The following PIGV variants were observed in gnomAD, a reference collection of about 807,000 sequenced individuals.
The protein encoded by PIGV is GPI alpha-1,6-mannosyltransferase 2.
A neutral mutation model predicts 39.2 loss-of-function variants in PIGV; 27 were observed. The observed-to-expected ratio is 0.69, with a 90% CI of 0.51 to 0.95. The LOEUF (loss-of-function observed/expected upper bound fraction) is 0.95. Among genes scored for constraint, PIGV ranks in the 40% least tolerant of loss-of-function variants. The pLI is 0.00. For missense variants in PIGV, 523 were observed against 586.4 expected, an observed-to-expected ratio of 0.89 and a Z score of 1.12; for synonymous variants, 232 against 241.7, an observed-to-expected ratio of 0.96 and a Z score of 0.37.
chr1:26,799,596 C>A lies in PIGV; in HGVS notation c.*1752C>A, dbSNP rs972973371. Among the ~76,000 whole-genome samples, 4 of 152,170 alleles carry A rather than the reference C, an allele frequency of 2.6e-5. No individual in the cohort carries two copies. The highest frequency in any genetic ancestry group is 1.3e-4 in the Admixed American group (2 of 15,270). On this transcript the variant is annotated 3_prime_UTR_variant, in exon 4 of 4. Coordinates refer to ENST00000674202, the MANE Select transcript of PIGV (RefSeq NM_017837.4). The stretch of plus-strand genomic sequence containing the variant: ...GACCATGACAGAAAGCTCAACTTGC[C>A]AGCTGAAGGGAAGCTCCTGGCTGAG...
intron 3 of PIGV, among the ~76,000 whole-genome samples, chr1:26,796,469 G>A (rs1413217695): frequency 6.6e-6 from 1 of 152,036 alleles, no homozygotes; most frequent in African/African-American, 2.4e-5. Flanking sequence ...CGCCCAGCAA[G>A]ATTTTTTTTT....
At chr1:26,790,342 C>G (rs903793523) in intron 1 of PIGV, among the ~76,000 whole-genome samples, 1 of 152,026 alleles carries the variant, frequency 6.6e-6, no homozygotes. Context: ...ACACTTTGGT[C>G]TGTTTCACCA....
rs148841294 is a variant in PIGV at position 26,791,449 on chromosome 1, G to A, written c.78+556G>A. On this transcript the variant is annotated intron_variant, in intron 2 of 3. Coordinates refer to ENST00000674202, the MANE Select transcript of PIGV (RefSeq NM_017837.4). ...GTTTGCAGCTCCCTTTTCCCTCCGA[G>A]GCTCCCCTTGATACACATTTTAATA... Among the ~76,000 whole-genome samples, 239 of 152,174 alleles carry A rather than the reference G, an allele frequency of 1.6e-3. 1 individual carries two copies. The highest frequency in any genetic ancestry group is 3.0e-3 in the Non-Finnish European group (206 of 68,028).
rs2081409176 is a variant in PIGV, at chr1:26,797,970, C to T, written c.*126C>T. On this transcript the variant is annotated 3_prime_UTR_variant, in exon 4 of 4. Coordinates refer to ENST00000674202, the MANE Select transcript of PIGV (RefSeq NM_017837.4). ...TGTCCATTATAATCTTTCTCTTTCT[C>T]TTTGAAAGCTGGTCAGGAATGGGAG... is the stretch of plus-strand genomic sequence containing the variant. The T allele has an allele frequency of 6.6e-6, 6 of 903,722 alleles. No individual in the cohort carries two copies. Among genetic ancestry groups the T allele is most frequent in the Non-Finnish European group, 1.1e-5 (6 of 561,094 alleles). 56.0% of individuals were successfully genotyped at this position (903,722 alleles called of 1,614,324 possible).
chr1:26,798,153 G>T lies in PIGV; in HGVS notation c.*309G>T. The T allele has an allele frequency of 5.0e-6, 2 of 401,002 alleles. No homozygotes were observed. The highest frequency in any genetic ancestry group is 9.3e-6 in the Non-Finnish European group (2 of 214,100). The allele number at this position is 401,002 out of a possible 1,614,324, so 24.8% of individuals were successfully genotyped here. A position where few individuals can be genotyped will look rare whatever the true frequency, so the allele number is the denominator to read the frequency against. On this transcript the variant is annotated 3_prime_UTR_variant, in exon 4 of 4. Coordinates refer to ENST00000674202, the MANE Select transcript of PIGV (RefSeq NM_017837.4). The stretch of plus-strand genomic sequence containing the variant: ...CAGAGACAGTCTTAAACCTACCATT[G>T]ACCTGTGTGTAAATTTAAATGTCAA...
chr1:26,797,133 A>C (rs2081394095), intron 3 of PIGV, among the ~76,000 whole-genome samples: 2 of 151,980 alleles, frequency 1.3e-5, no homozygotes, highest in South Asian at 4.2e-4. Context: ...TTGTGTCTGA[A>C]CTCCAATAGG....
Position 26,798,054 on chromosome 1 carries a change from A to C in PIGV, c.*210A>C. On this transcript the variant is annotated 3_prime_UTR_variant, in exon 4 of 4. Transcript: ENST00000674202. Reference sequence around the variant, plus strand: ...TGGCTAGGGCAAATTTTAGACAACTATTTTCTCTGTAAGTGAAGATTGTCG... The same window carrying C: ...TGGCTAGGGCAAATTTTAGACAACTCTTTTCTCTGTAAGTGAAGATTGTCG... 1 of 588,162 alleles carries C rather than the reference A, an allele frequency of 1.7e-6. No individual in the cohort carries two copies. The highest frequency in any genetic ancestry group is 2.9e-5 in the East Asian group (1 of 34,770). The allele number at this position is 588,162 out of a possible 1,614,324, so 36.4% of individuals were successfully genotyped here. A position where few individuals can be genotyped will look rare whatever the true frequency, so the allele number is the denominator to read the frequency against.
intron 2 of PIGV, among the ~76,000 whole-genome samples, chr1:26,791,864 G>A (rs1477436910): frequency 6.6e-6 from 1 of 152,244 alleles, no homozygotes; most frequent in East Asian, 1.9e-4. Flanking sequence ...CTATGCTCCT[G>A]TTGCCAGGCT....
Position 26,794,803 on chromosome 1 carries a change from T to C in PIGV, c.769T>C (p.Tyr257His), listed in dbSNP as rs1228126006. 1 of 1,613,868 alleles carries C rather than the reference T, an allele frequency of 6.2e-7. No homozygotes were observed. The highest frequency in any genetic ancestry group is 1.3e-5 in the African/African-American group (1 of 74,864). ...TLGLPFALFQ[Y>H]YAYTQFCLPG... ...TGGCCTTCCCTTTGCCCTCTTTCAG[T>C]ATTATGCCTACACCCAATTCTGTCT... Residue 257 changes from tyrosine to histidine, a missense_variant, in exon 3 of 4, where the codon TAT becomes CAT. Physicochemically the swap from Tyr to His is moderately conservative, Grantham distance 83. Coordinates refer to ENST00000674202, the MANE Select transcript of PIGV (RefSeq NM_017837.4).
intron 2 of PIGV, among the ~76,000 whole-genome samples, chr1:26,791,484 G>A (rs184884994): frequency 1.8e-4 from 27 of 152,168 alleles, no homozygotes; most frequent in South Asian, 2.1e-4. Flanking sequence ...AAAATATCAC[G>A]TATATATGAA....
In PIGV at chr1:26,800,535, A is replaced by G. The variant is rs139349931; in HGVS notation, c.*2691A>G. ...CCTGGAAAAATGTTACTTTTATTGA[A>G]TAGACCCTCTCACTGTCATCTGAAA... is the stretch of plus-strand genomic sequence containing the variant. On this transcript the variant is annotated 3_prime_UTR_variant, in exon 4 of 4. Transcript: ENST00000674202. 5.3e-5 allele frequency among the ~76,000 whole-genome samples: 8 copies of G among 152,278 alleles called. No homozygotes were observed. The highest frequency in any genetic ancestry group is 1.2e-4 in the Non-Finnish European group (8 of 68,024).
rs1056309361 is a variant in PIGV at position 26,788,231 on chromosome 1, T to A, written c.-95T>A. The A allele has an allele frequency of 3.9e-5, 6 of 152,430 alleles. No individual in the cohort carries two copies. The highest frequency in any genetic ancestry group is 7.3e-5 in the Non-Finnish European group (5 of 68,254). The allele number at this position is 152,430 out of a possible 1,614,324, so 9.4% of individuals were successfully genotyped here. On this transcript the variant is annotated 5_prime_UTR_variant, in exon 1 of 4. Coordinates refer to ENST00000674202, the MANE Select transcript of PIGV (RefSeq NM_017837.4). ...TGTGGCCTGGTGGGGCTCTGCAGGC[T>A]CCCTCGGGAGTGGTCCTTGGGCCGT...
In PIGV at chr1:26,795,185, T is replaced by TC; in HGVS notation, c.1153dup (p.His385ProfsTer127). The TC allele has an allele frequency of 6.2e-7, 1 of 1,613,962 alleles. No individual in the cohort carries two copies. The highest frequency in any genetic ancestry group is 8.5e-7 in the Non-Finnish European group (1 of 1,180,018). The stretch of plus-strand genomic sequence containing the variant: ...AGTCCTCAGGTGTTTGTGTACGTGG[T>TC]CCACGCTGCAGTGCTGCTGCTGTTT... On this transcript the variant is annotated frameshift_variant, in exon 3 of 4. Transcript: ENST00000674202. LOFTEE classifies it high-confidence loss of function.
chr1:26,794,139 TCAC>T lies in PIGV; in HGVS notation c.108_110del (p.His37del), dbSNP rs781635023. The stretch of plus-strand genomic sequence containing the variant: ...CCCTCTTCAATGCCATCATCCCAGA[TCAC>T]CATGCAGAAGCCTTCTCTCCTCCTC... On this transcript the variant is annotated inframe_deletion, in exon 3 of 4. Coordinates refer to ENST00000674202, the MANE Select transcript of PIGV (RefSeq NM_017837.4). The T allele has an allele frequency of 1.2e-6, 2 of 1,614,246 alleles. No individual in the cohort carries two copies. Among genetic ancestry groups the T allele is most frequent in the South Asian group, 2.2e-5 (2 of 91,084 alleles).
intron 3 of PIGV, 94 bp from the exon 4 acceptor site, chr1:26,797,469 G>T: frequency 1.0e-6 from 1 of 958,830 alleles, no homozygotes; most frequent in Non-Finnish European, 1.7e-6. Flanking sequence ...CAGGACCATA[G>T]TTCACCCAGC....
intron 3 of PIGV, among the ~76,000 whole-genome samples, chr1:26,796,410 C>T (rs913371515): frequency 6.6e-6 from 1 of 152,110 alleles, no homozygotes; most frequent in Non-Finnish European, 1.5e-5. Flanking sequence ...CCTCGTGATC[C>T]ACCCGCCTTG....
intron 2 of PIGV, among the ~76,000 whole-genome samples, chr1:26,792,803 T>A (rs1007141154): frequency 6.6e-6 from 1 of 152,236 alleles, no homozygotes; most frequent in African/African-American, 2.4e-5. Flanking sequence ...CAGCACTACT[T>A]CTATTGATTT....
At position 26,799,300 on chromosome 1, in the gene PIGV, A is replaced by G. The variant is rs576478956; in HGVS notation, c.*1456A>G. Among the ~76,000 whole-genome samples the G allele has an allele frequency of 6.6e-6, 1 of 152,312 alleles. No homozygotes were observed. The highest frequency in any genetic ancestry group is 2.4e-5 in the African/African-American group (1 of 41,588). ...GAATTGGTAAATTGTACGTAAGTCC[A>G]AGGTGGAATGAAATGGTATCTGCCC... On this transcript the variant is annotated 3_prime_UTR_variant, in exon 4 of 4. Transcript: ENST00000674202.
chr1:26,794,739 T>C lies in PIGV; in HGVS notation c.705T>C (p.Phe235=). 2 of 1,614,220 alleles carry C rather than the reference T, an allele frequency of 1.2e-6. No individual in the cohort carries two copies. Among genetic ancestry groups the C allele is most frequent in the Non-Finnish European group, 1.7e-6 (2 of 1,180,032 alleles). ...TGCTGAATCCTCTGAGACAGCTCTT[T>C]AAGCTGATGGCCTCTCTGTTTCTGT... ...LTMLNPLRQL[F]KLMASLFLSV... The change falls in exon 3 of 4, where the codon TTT becomes TTC. Residue 235 remains phenylalanine (F), a synonymous_variant. Transcript: ENST00000674202.
Sources: gnomAD v4.1 joint callset for allele counts (sites outside exome capture counted in the v4.1 genomes callset) on GRCh38, gnomAD v4.1.1 for gene constraint, MANE v1.5 for transcripts, NCBI Gene and HGNC (gene_info 2026-07-23, HGNC 2026-07-21) for gene names.